Variants in FAM219A observed in about 807,000 individuals in gnomAD.
FAM219A encodes the protein family with sequence similarity 219 member A.
FAM219A carries 7 observed loss-of-function variants against 23.4 expected under a neutral mutation model. That is an observed-to-expected ratio of 0.30 (90% CI 0.17 to 0.56). The LOEUF is 0.56. FAM219A is among the 20% of genes least tolerant of loss of function. The pLI is 0.92. For missense variants in FAM219A, 166 were observed against 246.9 expected, an observed-to-expected ratio of 0.67 and a Z score of 2.20; for synonymous variants, 93 against 99.0, an observed-to-expected ratio of 0.94 and a Z score of 0.36.
intron 5 of FAM219A, 132 bp from the exon 6 acceptor site, chr9:34,401,254 C>A: frequency 8.8e-7 from 1 of 1,136,974 alleles, no homozygotes; most frequent in South Asian, 1.5e-5. Context: ...TGTCCCGGGT[C>A]TGTCTGTACC....
Position 34,398,266 on chromosome 9 carries a change from G to A in FAM219A, c.*2698C>T. ...TGATGGTCAATACTGCAATGAAAATGTTAAAAAAAATATTATACACGGCTC... is the reference window on the plus strand; with the variant it reads ...TGATGGTCAATACTGCAATGAAAATATTAAAAAAAATATTATACACGGCTC... On this transcript the variant is annotated 3_prime_UTR_variant, in exon 6 of 6. Coordinates refer to ENST00000651358, the MANE Select transcript of FAM219A (RefSeq NM_001184940.2). 6.5e-7 allele frequency: 1 copy of A among 1,550,266 alleles called. No individual in the cohort carries two copies. The highest frequency in any genetic ancestry group is 2.0e-5 in the Admixed American group (1 of 51,000).
rs571445275 is a variant in FAM219A at position 34,447,597 on chromosome 9, C to T, written c.60+10607G>A. On this transcript the variant is annotated intron_variant, in intron 1 of 5. Transcript: ENST00000651358. ...TAACCTATAATAGGGCCTTTCCTCG[C>T]CAGTGACTTCTGGCTTATGGGTCTC... is the stretch of plus-strand genomic sequence containing the variant. 7.2e-5 allele frequency among the ~76,000 whole-genome samples: 11 copies of T among 152,310 alleles called. No homozygotes were observed. The South Asian group carries it at 2.3e-3, about 32-fold the overall frequency.
At chr9:34,420,816 A>G (rs1159501410) in intron 1 of FAM219A, among the ~76,000 whole-genome samples, 1 of 151,934 alleles carries the variant, frequency 6.6e-6, no homozygotes, top group East Asian at 1.9e-4. Context: ...ATCTCTACAA[A>G]AAAGAAAAAA....
At chr9:34,424,651 C>T (rs543961174) in intron 1 of FAM219A, among the ~76,000 whole-genome samples, 6 of 152,266 alleles carry the variant, frequency 3.9e-5, no homozygotes, top group African/African-American at 1.2e-4. Flanking sequence ...AAAGCCAACA[C>T]GGACCTACCA....
rs554763437 is a variant in FAM219A, at chr9:34,457,261, C to G, written c.60+943G>C. 1.3e-5 allele frequency among the ~76,000 whole-genome samples: 2 copies of G among 152,360 alleles called. No individual in the cohort carries two copies. The highest frequency in any genetic ancestry group is 1.9e-4 in the East Asian group (1 of 5,168). ...CTGGCTAGGCCTCCACGTCTCCCAC[C>G]CGGTTGCCTGACAGACAAGCGAGGT... On this transcript the variant is annotated intron_variant, in intron 1 of 5. Coordinates refer to ENST00000651358, the MANE Select transcript of FAM219A (RefSeq NM_001184940.2). The surrounding 1 kb of genome is among the most constrained non-coding windows in gnomAD (Gnocchi z 5.1).
chr9:34,419,920 C>T (rs1274761258), intron 1 of FAM219A, among the ~76,000 whole-genome samples: 1 of 152,144 alleles, frequency 6.6e-6, no homozygotes, highest in Non-Finnish European at 1.5e-5. Context: ...TGTGGCATTT[C>T]CTGTCGCTGC....
intron 1 of FAM219A, among the ~76,000 whole-genome samples, chr9:34,412,372 G>A (rs112150596): frequency 1.2e-4 from 19 of 152,302 alleles, no homozygotes; most frequent in African/African-American, 4.6e-4. Flanking sequence ...ATTGGGAAGA[G>A]TACTAATTAT....
intron 1 of FAM219A, among the ~76,000 whole-genome samples, chr9:34,424,463 G>C (rs1279105166): frequency 2.0e-5 from 3 of 152,136 alleles, no homozygotes; most frequent in Non-Finnish European, 2.9e-5. Context: ...GTGGGCTGAA[G>C]GCAAGGGAGG....
intron 1 of FAM219A, among the ~76,000 whole-genome samples, chr9:34,415,001 G>C (rs546833185): frequency 1.0e-3 from 154 of 152,132 alleles, no homozygotes; most frequent in Middle Eastern, 6.8e-3. Context: ...ATCCAAGCTG[G>C]AGTGCAGTGG....
chr9:34,417,440 C>A lies in FAM219A; in HGVS notation c.61-11476G>T, dbSNP rs1822077371. Among the ~76,000 whole-genome samples, 1 of 152,126 alleles carries A rather than the reference C, an allele frequency of 6.6e-6. No individual in the cohort carries two copies. Among genetic ancestry groups the A allele is most frequent in the African/African-American group, 2.4e-5 (1 of 41,432 alleles). On this transcript the variant is annotated intron_variant, in intron 1 of 5. Transcript: ENST00000651358. The surrounding 1 kb of genome is among the most constrained non-coding windows in gnomAD (Gnocchi z 4.1). The stretch of plus-strand genomic sequence containing the variant: ...GATGTAGAGTAACTTTGTAACCATT[C>A]ATTTATTTTTGACATTCAGGTTGTT...
At chr9:34,425,216 C>T (rs558596385) in intron 1 of FAM219A, among the ~76,000 whole-genome samples, 5 of 152,146 alleles carry the variant, frequency 3.3e-5, no homozygotes, top group Non-Finnish European at 1.5e-5. Flanking sequence ...CACAGTGGCT[C>T]ATACCTGTAA....
intron 1 of FAM219A, among the ~76,000 whole-genome samples, chr9:34,448,662 G>A (rs1823451119): frequency 6.6e-6 from 1 of 152,210 alleles, no homozygotes. Context: ...AATCTCAATT[G>A]AGATGGGATT....
intron 1 of FAM219A, among the ~76,000 whole-genome samples, chr9:34,446,255 G>T (rs1293352836): frequency 6.6e-6 from 1 of 152,040 alleles, no homozygotes; most frequent in Non-Finnish European, 1.5e-5. Flanking sequence ...CAATGACAAG[G>T]TATTAGGGCC....
intron 1 of FAM219A, among the ~76,000 whole-genome samples, chr9:34,441,532 A>G (rs551839400): frequency 3.3e-5 from 5 of 152,318 alleles, no homozygotes; most frequent in Admixed American, 3.3e-4. Context: ...ATGGTACAGG[A>G]TAAGAGCAGT....
At chr9:34,420,395 T>G (rs1389652507) in intron 1 of FAM219A, among the ~76,000 whole-genome samples, 1 of 152,152 alleles carries the variant, frequency 6.6e-6, no homozygotes, top group Non-Finnish European at 1.5e-5. Flanking sequence ...TGGCTATTGG[T>G]CACTGGGTAC....
At chr9:34,448,323 G>T (rs1823441018) in intron 1 of FAM219A, among the ~76,000 whole-genome samples, 1 of 152,210 alleles carries the variant, frequency 6.6e-6, no homozygotes, top group African/African-American at 2.4e-5. Flanking sequence ...ATGGCAACCA[G>T]AATACTAGAA....
intron 1 of FAM219A, among the ~76,000 whole-genome samples, chr9:34,420,255 G>A (rs1263079235): frequency 6.6e-6 from 1 of 152,224 alleles, no homozygotes; most frequent in East Asian, 1.9e-4. Flanking sequence ...TTAAGGAAGA[G>A]AGAGGAACAG....
intron 1 of FAM219A, among the ~76,000 whole-genome samples, chr9:34,430,438 C>A (rs954525971): frequency 2.7e-5 from 4 of 149,894 alleles, no homozygotes; most frequent in Admixed American, 2.0e-4. Flanking sequence ...GAGACCGAGA[C>A]CATCCTGGCT....
At position 34,458,065 on chromosome 9, in the gene FAM219A, C is replaced by A; in HGVS notation, c.60+139G>T. The A allele has an allele frequency of 1.3e-6, 1 of 770,670 alleles. No individual in the cohort carries two copies. The highest frequency in any genetic ancestry group is 1.9e-6 in the Non-Finnish European group (1 of 528,790). The allele number at this position is 770,670 out of a possible 1,614,324, so 47.7% of individuals were successfully genotyped here. A position where few individuals can be genotyped will look rare whatever the true frequency, so the allele number is the denominator to read the frequency against. On this transcript the variant is annotated intron_variant, in intron 1 of 5. Coordinates refer to ENST00000651358, the MANE Select transcript of FAM219A (RefSeq NM_001184940.2). The surrounding 1 kb of genome is among the most constrained non-coding windows in gnomAD (Gnocchi z 6.6). Reference sequence around the variant, plus strand: ...GTTTTCTTGTCCTGCAAGTCCCCGTCCCCCGGCAATACGTTTTCAGGGATC... The same window carrying A: ...GTTTTCTTGTCCTGCAAGTCCCCGTACCCCGGCAATACGTTTTCAGGGATC...
Sources: gnomAD v4.1 joint callset for allele counts (sites outside exome capture counted in the v4.1 genomes callset) on GRCh38, gnomAD v4.1.1 for gene constraint, Gnocchi (gnomAD v3.1) non-coding constraint, MANE v1.5 for transcripts, NCBI Gene and HGNC (gene_info 2026-07-23, HGNC 2026-07-21) for gene names.